ZNF385B: variants seen among roughly 807,000 people sequenced by gnomAD.
The protein encoded by ZNF385B is zinc finger protein 385B, also known as zinc finger protein 533.
ZNF385B carries 23 observed loss-of-function variants against 39.2 expected under a neutral mutation model. The observed-to-expected ratio is 0.59, with a 90% CI of 0.42 to 0.83. The LOEUF (loss-of-function observed/expected upper bound fraction) is 0.83. Among genes scored for constraint, ZNF385B ranks in the 40% least tolerant of loss-of-function variants. ZNF385B has a pLI of 0.00. For missense variants in ZNF385B, 552 were observed against 598.9 expected (o/e 0.92, Z 0.82); for synonymous variants, 205 against 222.6 (o/e 0.92, Z 0.70).
intron 6 of ZNF385B, among the ~76,000 whole-genome samples, chr2:179,454,213 A>G (rs1036522525): frequency 7.2e-5 from 11 of 152,248 alleles, no homozygotes; most frequent in African/African-American, 2.7e-4. Context: ...ATTTCAGTCA[A>G]TGATAGACTG....
Position 179,559,928 on chromosome 2 carries a change from C to A in ZNF385B, c.299-14959G>T, listed in dbSNP as rs1034666629. ...TATTGGCCTACATCTCCCCATATTCCCCTCTCTCCCACAGTCTGACAGCCA... is the reference window on the plus strand; with the variant it reads ...TATTGGCCTACATCTCCCCATATTCACCTCTCTCCCACAGTCTGACAGCCA... On this transcript the variant is annotated intron_variant, in intron 3 of 9. Coordinates refer to ENST00000410066, the MANE Select transcript of ZNF385B (RefSeq NM_152520.6). Among the ~76,000 whole-genome samples, 4 of 152,178 alleles carry A rather than the reference C, an allele frequency of 2.6e-5. No homozygotes were observed. In the South Asian group the frequency reaches 8.3e-4, roughly 32 times the overall value.
intron 3 of ZNF385B, among the ~76,000 whole-genome samples, chr2:179,558,051 T>G (rs929531454): frequency 6.6e-6 from 1 of 152,198 alleles, no homozygotes; most frequent in Non-Finnish European, 1.5e-5. Flanking sequence ...ACATTTGTGT[T>G]GTTGGTTTTT....
At chr2:179,634,854 T>G (rs9750028) in intron 3 of ZNF385B, among the ~76,000 whole-genome samples, 58,192 of 151,598 alleles carry the variant, frequency 0.38, 11,336 homozygotes, top group African/African-American at 0.46. Context: ...ACATGGCCGG[T>G]CGCCATGGCT....
rs139953454 is a variant in ZNF385B, at chr2:179,518,619, G to A, written c.461C>T (p.Ala154Val). 2.2e-5 allele frequency: 35 copies of A among 1,596,800 alleles called. No individual in the cohort carries two copies. The highest frequency in any genetic ancestry group is 4.5e-5 in the East Asian group (2 of 44,108). ...TACTCCAAATGTATGGTTAATAACC[G>A]CTTTTTGCACAGGATCCATCTGAAG... ...NFNTMDPVQK[A>V]VINHTFGVSI... Residue 154 changes from alanine to valine, a missense_variant, in exon 5 of 10, where the codon GCG becomes GTG. Physicochemically the swap from Ala to Val is moderately conservative, Grantham distance 64. Coordinates refer to ENST00000410066, the MANE Select transcript of ZNF385B (RefSeq NM_152520.6).
chr2:179,544,784 T>G (rs1162370102), intron 4 of ZNF385B, 43 bp downstream of exon 4: 1 of 1,611,628 alleles, frequency 6.2e-7, no homozygotes. Flanking sequence ...GTAATGAAAT[T>G]GATGGAGGAG....
At chr2:179,820,060 T>A (rs1707312884) in intron 1 of ZNF385B, among the ~76,000 whole-genome samples, 1 of 152,138 alleles carries the variant, frequency 6.6e-6, no homozygotes, top group African/African-American at 2.4e-5. Flanking sequence ...CATGAGAATA[T>A]GTGTGTGTAT....
At chr2:179,685,904 T>C (rs1031205272) in intron 3 of ZNF385B, among the ~76,000 whole-genome samples, 6 of 152,212 alleles carry the variant, frequency 3.9e-5, no homozygotes, top group African/African-American at 1.4e-4. Context: ...CCACATTAGC[T>C]GGCATCAAAG....
intron 3 of ZNF385B, among the ~76,000 whole-genome samples, chr2:179,634,241 G>C (rs1400273611): frequency 6.6e-6 from 1 of 152,104 alleles, no homozygotes; most frequent in Non-Finnish European, 1.5e-5. Context: ...CACAGCAAAA[G>C]AAACTACTAT....
intron 3 of ZNF385B, chr2:179,562,599 G>A (rs1253111701): frequency 5.3e-5 from 52 of 985,190 alleles, no homozygotes; most frequent in South Asian, 9.4e-5. Context: ...ATTGAGGATC[G>A]TGTTTGCAAC....
chr2:179,708,465 A>T (rs1233571793), intron 3 of ZNF385B, among the ~76,000 whole-genome samples: 1 of 152,194 alleles, frequency 6.6e-6, no homozygotes, highest in Non-Finnish European at 1.5e-5. Context: ...ACTCTCACAC[A>T]TGGTGACCTT....
chr2:179,590,791 T>A (rs1414376665), intron 3 of ZNF385B, among the ~76,000 whole-genome samples: 2 of 152,106 alleles, frequency 1.3e-5, no homozygotes, highest in Non-Finnish European at 2.9e-5. Context: ...TCCCTCTCTC[T>A]CTCCTGCTGC....
At chr2:179,645,863 CTG>C (rs762198153) in intron 3 of ZNF385B, among the ~76,000 whole-genome samples, 11 of 152,230 alleles carry the variant, frequency 7.2e-5, no homozygotes, top group Non-Finnish European at 1.2e-4. Context: ...CCTTGTGAAA[CTG>C]TATTTTTTTT....
intron 3 of ZNF385B, among the ~76,000 whole-genome samples, chr2:179,632,015 C>A (rs1185770477): frequency 6.6e-6 from 1 of 152,088 alleles, no homozygotes; most frequent in African/African-American, 2.4e-5. Context: ...ATATATGCAC[C>A]CATTTCAAGA....
intron 4 of ZNF385B, among the ~76,000 whole-genome samples, chr2:179,535,377 C>A (rs548952072): frequency 1.3e-5 from 2 of 152,246 alleles, no homozygotes; most frequent in Admixed American, 6.5e-5. Context: ...ACATGAATAA[C>A]CTGAGAGAAG....
rs539569716 is a variant in ZNF385B, at chr2:179,547,805, T to C, written c.299-2836A>G. 1.3e-5 allele frequency among the ~76,000 whole-genome samples: 2 copies of C among 149,718 alleles called. 1 individual carries two copies. Among genetic ancestry groups the C allele is most frequent in the Non-Finnish European group, 3.0e-5 (2 of 67,650 alleles). On this transcript the variant is annotated intron_variant, in intron 3 of 9. Coordinates refer to ENST00000410066, the MANE Select transcript of ZNF385B (RefSeq NM_152520.6). The stretch of plus-strand genomic sequence containing the variant: ...ATTGCATTGAATCTGTAGATTGCTT[T>C]GGGTAGTATGGACATTTTAACAATA...
At chr2:179,663,839 C>A (rs1003743837) in intron 3 of ZNF385B, among the ~76,000 whole-genome samples, 3 of 151,448 alleles carry the variant, frequency 2.0e-5, no homozygotes, top group Non-Finnish European at 4.4e-5. Flanking sequence ...ACATTCAGTT[C>A]TCATACAGTC....
At chr2:179,661,971 T>G (rs575482672) in intron 3 of ZNF385B, among the ~76,000 whole-genome samples, 8 of 152,244 alleles carry the variant, frequency 5.3e-5, no homozygotes, top group Non-Finnish European at 7.3e-5. Flanking sequence ...GTACTATGAT[T>G]TGGCATTAAA....
At chr2:179,774,961 A>C (rs1015955688) in intron 1 of ZNF385B, among the ~76,000 whole-genome samples, 2 of 152,214 alleles carry the variant, frequency 1.3e-5, no homozygotes, top group African/African-American at 2.4e-5. Context: ...TTTGGGGAAT[A>C]CTTTCTGAAG....
At chr2:179,762,299 C>G (rs2106490171) in intron 3 of ZNF385B, among the ~76,000 whole-genome samples, 1 of 152,202 alleles carries the variant, frequency 6.6e-6, no homozygotes, top group Admixed American at 6.5e-5. Flanking sequence ...AAGTGATTCT[C>G]CTGCCTCAGC....
Sources: allele counts gnomAD v4.1 joint callset (sites outside exome capture counted in the v4.1 genomes callset), GRCh38; gene constraint gnomAD v4.1.1; transcripts MANE v1.5; gene names NCBI Gene and HGNC (gene_info 2026-07-23, HGNC 2026-07-21).